Variants in USP45 observed in about 807,000 individuals in gnomAD.
USP45 encodes the protein ubiquitin specific peptidase 45, also known as ubiquitin carboxyl-terminal hydrolase 45.
USP45 carries 89 observed loss-of-function variants against 95.8 expected under a neutral mutation model. That is an observed-to-expected ratio of 0.93 (90% CI 0.78 to 1.11). USP45 has a LOEUF of 1.11. USP45 is among the 50% of genes least tolerant of loss of function. The pLI, the probability that USP45 is intolerant of heterozygous loss-of-function variation, is 0.00. For synonymous variants in USP45, 281 were observed against 316.2 expected, an observed-to-expected ratio of 0.89 and a Z score of 1.18; for missense variants, 898 against 942.5, an observed-to-expected ratio of 0.95 and a Z score of 0.62.
In USP45 at chr6:99,437,267, T is replaced by C; in HGVS notation, c.2293A>G (p.Thr765Ala). 1 of 1,606,664 alleles carries C rather than the reference T, an allele frequency of 6.2e-7. No homozygotes were observed. Among genetic ancestry groups the C allele is most frequent in the Non-Finnish European group, 8.5e-7 (1 of 1,178,206 alleles). ...TPSRKLSEHN[T>A]KKKNVPGLKA... Reference sequence around the variant, plus strand: ...ATACCAGGCACATTTTTCTTTTTAGTGTTATGTTCCGATAATTTCCTGGAG... The same window carrying C: ...ATACCAGGCACATTTTTCTTTTTAGCGTTATGTTCCGATAATTTCCTGGAG... Residue 765 changes from threonine (T) to alanine (A), a missense_variant, in exon 17 of 18, where the codon ACT becomes GCT. Coordinates refer to ENST00000500704, the MANE Select transcript of USP45 (RefSeq NM_001346022.3).
chr6:99,517,601 A>ATTTTTTT (rs11398930), upstream of USP45, among the ~76,000 whole-genome samples: 5 of 136,776 alleles, frequency 3.7e-5, no homozygotes, highest in Non-Finnish European at 3.1e-5. Flanking sequence ...CACATAGCTA[A>ATTTTTTT]TTTTTTTTTT....
At chr6:99,476,001 G>C (rs1388784272) in intron 9 of USP45, 142 bp downstream of exon 9, 3 of 618,726 alleles carry the variant, frequency 4.8e-6, no homozygotes, top group Admixed American at 3.1e-5. Flanking sequence ...ATTTTTATTA[G>C]AGACGAGGTT....
chr6:99,455,020 G>A (rs1054528172), intron 13 of USP45, among the ~76,000 whole-genome samples: 30 of 151,488 alleles, frequency 2.0e-4, no homozygotes, highest in African/African-American at 7.0e-4. Context: ...AACCTGGGAG[G>A]TGGAGGTTGC....
chr6:99,487,554 C>T (rs1235746096), intron 7 of USP45, among the ~76,000 whole-genome samples: 1 of 150,286 alleles, frequency 6.7e-6, no homozygotes, highest in East Asian at 2.0e-4. Context: ...CTTTGGGAGG[C>T]CGAGGCGGGT....
At chr6:99,515,106 G>A (rs1800881423) in intron 1 of USP45, 1 of 152,412 alleles carries the variant, frequency 6.6e-6, no homozygotes, top group Non-Finnish European at 1.5e-5. Flanking sequence ...GGAAAGGTGT[G>A]GGGCCGCCGC....
intron 14 of USP45, among the ~76,000 whole-genome samples, chr6:99,443,965 C>T (rs78423413): frequency 0.13 from 19,829 of 152,028 alleles, 1,852 homozygotes; most frequent in Non-Finnish European, 0.18. Flanking sequence ...AGCCAAAAAT[C>T]ACCAGAAGCA....
In USP45 at chr6:99,435,691, C is replaced by A; in HGVS notation, c.*25G>T. 1 of 1,596,162 alleles carries A rather than the reference C, an allele frequency of 6.3e-7. No homozygotes were observed. Among genetic ancestry groups the A allele is most frequent in the Non-Finnish European group, 8.5e-7 (1 of 1,169,784 alleles). ...CACTGTGGCATTCAAAAACAAATGA[C>A]CTAAATAATCATTACCATTAATAGT... On this transcript the variant is annotated 3_prime_UTR_variant, in exon 18 of 18. Coordinates refer to ENST00000500704, the MANE Select transcript of USP45 (RefSeq NM_001346022.3).
At chr6:99,440,909 C>T (rs1041378350) in intron 15 of USP45, among the ~76,000 whole-genome samples, 1 of 152,140 alleles carries the variant, frequency 6.6e-6, no homozygotes, top group African/African-American at 2.4e-5. Context: ...TCAATCAGTA[C>T]TTTGCTGTTG....
intron 7 of USP45, among the ~76,000 whole-genome samples, chr6:99,484,743 A>G (rs992755573): frequency 6.6e-6 from 1 of 151,298 alleles, no homozygotes; most frequent in African/African-American, 2.4e-5. Context: ...ATGAGCCATG[A>G]TGGCACCACT....
upstream of USP45, among the ~76,000 whole-genome samples, chr6:99,517,815 T>G (rs1178310550): frequency 6.6e-6 from 1 of 151,924 alleles, no homozygotes; most frequent in Non-Finnish European, 1.5e-5. Context: ...ATTTTAAAAG[T>G]AATACCTGCT....
Position 99,434,520 on chromosome 6 carries a change from C to G in USP45, c.*1196G>C, listed in dbSNP as rs941759996. ...TAAGCCTAAGTAATAGTATATTCTT[C>G]ATGCCAAGTTTTGACAGCTCAATAA... is the stretch of plus-strand genomic sequence containing the variant. On this transcript the variant is annotated 3_prime_UTR_variant, in exon 18 of 18. Transcript: ENST00000500704. 1.3e-5 allele frequency: 2 copies of G among 152,074 alleles called. No homozygotes were observed. Among genetic ancestry groups the G allele is most frequent in the Non-Finnish European group, 2.9e-5 (2 of 67,988 alleles). The allele number at this position is 152,074 out of a possible 1,614,324, so 9.4% of individuals were successfully genotyped here.
chr6:99,449,625 G>A (rs1783401693), intron 13 of USP45, among the ~76,000 whole-genome samples: 1 of 142,254 alleles, frequency 7.0e-6, no homozygotes, highest in Non-Finnish European at 1.6e-5. Flanking sequence ...ACAGATCAAT[G>A]AGACAGAAAG....
chr6:99,509,192 T>C (rs772873417), intron 2 of USP45, among the ~76,000 whole-genome samples: 1 of 152,210 alleles, frequency 6.6e-6, no homozygotes, highest in Non-Finnish European at 1.5e-5. Context: ...GGACCTTATC[T>C]GATGTCCCTA....
At chr6:99,494,100 T>G (rs1243597757) in intron 5 of USP45, among the ~76,000 whole-genome samples, 3 of 152,172 alleles carry the variant, frequency 2.0e-5, no homozygotes, top group African/African-American at 4.8e-5. Context: ...ACAAAAAAAG[T>G]GGTCTGCATA....
chr6:99,498,760 C>A (rs1201065661), intron 5 of USP45, among the ~76,000 whole-genome samples: 1 of 152,116 alleles, frequency 6.6e-6, no homozygotes, highest in African/African-American at 2.4e-5. Context: ...TCTCCAGAGG[C>A]CATATGGCAT....
intron 10 of USP45, 29 bp downstream of exon 10, chr6:99,468,508 A>G: frequency 7.0e-7 from 1 of 1,422,682 alleles, no homozygotes; most frequent in East Asian, 2.4e-5. Context: ...TTTCTTAAAG[A>G]AAAAAGTTTT....
chr6:99,509,452 A>G (rs1799280570), intron 2 of USP45, among the ~76,000 whole-genome samples: 1 of 152,172 alleles, frequency 6.6e-6, no homozygotes, highest in Admixed American at 6.5e-5. Context: ...GCATACCTAA[A>G]ATGGAAAAAA....
chr6:99,497,911 C>CTTTTTTTT (rs1796644865), intron 5 of USP45, among the ~76,000 whole-genome samples: 3 of 152,144 alleles, frequency 2.0e-5, no homozygotes, highest in African/African-American at 7.2e-5. Context: ...AATCTGTTCC[C>CTTTTTTTT]TTTTTGCCCA....
chr6:99,463,092 C>G (rs1786937303), intron 13 of USP45, among the ~76,000 whole-genome samples: 1 of 152,018 alleles, frequency 6.6e-6, no homozygotes, highest in Non-Finnish European at 1.5e-5. Context: ...AGTATAAGTT[C>G]AGATTGATTT....
Sources: allele counts gnomAD v4.1 joint callset (sites outside exome capture counted in the v4.1 genomes callset), GRCh38; gene constraint gnomAD v4.1.1; transcripts MANE v1.5; gene names NCBI Gene and HGNC (gene_info 2026-07-23, HGNC 2026-07-21).